TNRC6C: variants seen among roughly 807,000 people sequenced by gnomAD.
TNRC6C encodes the protein trinucleotide repeat-containing gene 6C protein.
TNRC6C carries 20 observed loss-of-function variants against 153.7 expected under a neutral mutation model. That is an observed-to-expected ratio of 0.13 (90% CI 0.09 to 0.19). The LOEUF (loss-of-function observed/expected upper bound fraction) is 0.19. TNRC6C is among the 10% of genes least tolerant of loss of function. TNRC6C has a pLI of 1.00. For missense variants in TNRC6C, 1,987 were observed against 2,172.0 expected, an observed-to-expected ratio of 0.91 and a Z score of 1.69; for synonymous variants, 811 against 841.4, an observed-to-expected ratio of 0.96 and a Z score of 0.63.
At chr17:78,053,936 A>T (rs1222392395) in intron 3 of TNRC6C, among the ~76,000 whole-genome samples, 1 of 152,184 alleles carries the variant, frequency 6.6e-6, no homozygotes, top group Non-Finnish European at 1.5e-5. Context: ...CAATGGTGAT[A>T]CATTCTAAGA....
intron 3 of TNRC6C, among the ~76,000 whole-genome samples, chr17:78,055,053 T>C (rs1449499003): frequency 6.6e-6 from 1 of 152,260 alleles, no homozygotes; most frequent in Middle Eastern, 3.2e-3. Context: ...TGCAGAGTAC[T>C]GCGCACCACT....
At chr17:78,095,278 G>A (rs1393302432) in intron 16 of TNRC6C, among the ~76,000 whole-genome samples, 1 of 152,202 alleles carries the variant, frequency 6.6e-6, no homozygotes, top group Non-Finnish European at 1.5e-5. Context: ...CGAGAAACAC[G>A]TGACAGCTGT....
intron 13 of TNRC6C, among the ~76,000 whole-genome samples, chr17:78,089,850 C>G (rs2073363196): frequency 1.3e-5 from 2 of 152,138 alleles, no homozygotes; most frequent in Non-Finnish European, 2.9e-5. Context: ...CCTCACGTAG[C>G]ACAGAAGAAA....
intron 1 of TNRC6C, among the ~76,000 whole-genome samples, chr17:77,984,084 T>A (rs2071120803): frequency 6.6e-6 from 1 of 152,176 alleles, no homozygotes; most frequent in African/African-American, 2.4e-5. Flanking sequence ...AGTTCCCAGT[T>A]TATGTAAATC....
At chr17:77,989,353 A>G (rs2071216961) in intron 1 of TNRC6C, among the ~76,000 whole-genome samples, 1 of 152,216 alleles carries the variant, frequency 6.6e-6, no homozygotes, top group African/African-American at 2.4e-5. Flanking sequence ...ACTTAAGCTT[A>G]GAACCTATTT....
intron 1 of TNRC6C, among the ~76,000 whole-genome samples, chr17:78,021,866 G>C (rs1466071184): frequency 2.0e-5 from 3 of 152,040 alleles, no homozygotes; most frequent in African/African-American, 7.2e-5. Context: ...CACCATGCCT[G>C]GTCTATTTAT....
In TNRC6C at chr17:78,104,444, T is replaced by C; in HGVS notation, c.4713-41T>C. ...GCCAGTGCCACGAACTCAGCAGGAC[T>C]TGGGGTGGCCCTGTTCACGTGCCCC... On this transcript the variant is annotated intron_variant, in intron 19 of 19. Transcript: ENST00000301624. The surrounding 1 kb of genome is among the most constrained non-coding windows in gnomAD (Gnocchi z 6.2). 6.9e-7 allele frequency: 1 copy of C among 1,446,294 alleles called. No homozygotes were observed. The highest frequency in any genetic ancestry group is 9.1e-7 in the Non-Finnish European group (1 of 1,097,078). 89.6% of individuals were successfully genotyped at this position (1,446,294 alleles called of 1,614,324 possible).
chr17:77,994,527 G>T (rs1428646043), intron 1 of TNRC6C, among the ~76,000 whole-genome samples: 3 of 152,128 alleles, frequency 2.0e-5, no homozygotes, highest in Admixed American at 1.3e-4. Flanking sequence ...CAAAACCTTT[G>T]AATAGAAAGC....
intron 1 of TNRC6C, among the ~76,000 whole-genome samples, chr17:77,985,597 G>A (rs577495753): frequency 8.6e-5 from 11 of 127,834 alleles, no homozygotes; most frequent in African/African-American, 4.3e-4. Flanking sequence ...GCGAGACTCC[G>A]TCTCAAAAAA....
intron 13 of TNRC6C, among the ~76,000 whole-genome samples, chr17:78,090,325 T>G (rs2144543309): frequency 6.6e-6 from 1 of 152,324 alleles, no homozygotes; most frequent in African/African-American, 2.4e-5. Flanking sequence ...TGAAGCCCAC[T>G]TCTTCATGTG....
At chr17:78,084,065 C>G (rs1344796026) in intron 11 of TNRC6C, among the ~76,000 whole-genome samples, 1 of 152,066 alleles carries the variant, frequency 6.6e-6, no homozygotes, top group Non-Finnish European at 1.5e-5. Context: ...GGGTGGATCA[C>G]CTGAGGTCAG....
At chr17:78,018,920 T>C (rs768851047) in intron 1 of TNRC6C, among the ~76,000 whole-genome samples, 21 of 152,046 alleles carry the variant, frequency 1.4e-4, no homozygotes, top group Non-Finnish European at 2.8e-4. Flanking sequence ...TGGCAGTCCA[T>C]GTTAGGTTAG....
At chr17:78,024,167 G>C (rs2071889944) in intron 1 of TNRC6C, among the ~76,000 whole-genome samples, 1 of 152,126 alleles carries the variant, frequency 6.6e-6, no homozygotes, top group Admixed American at 6.6e-5. Context: ...ATAATTGTTA[G>C]TATGCTAATT....
intron 10 of TNRC6C, among the ~76,000 whole-genome samples, chr17:78,080,060 T>C (rs1176664366): frequency 6.6e-6 from 1 of 152,242 alleles, no homozygotes; most frequent in Non-Finnish European, 1.5e-5. Flanking sequence ...TTCAGTTATG[T>C]TTAATATTCA....
At chr17:78,028,269 G>C (rs958333039) in intron 1 of TNRC6C, among the ~76,000 whole-genome samples, 4 of 152,170 alleles carry the variant, frequency 2.6e-5, no homozygotes, top group African/African-American at 9.7e-5. Flanking sequence ...GGGATGGGGA[G>C]AAGTGGGAAC....
intron 3 of TNRC6C, among the ~76,000 whole-genome samples, 170 bp from the exon 6 acceptor site, chr17:78,064,552 T>C (rs971256644): frequency 1.3e-5 from 2 of 152,190 alleles, no homozygotes; most frequent in African/African-American, 4.8e-5. Context: ...AATACAAAGC[T>C]AAACAAATCT....
intron 2 of TNRC6C, among the ~76,000 whole-genome samples, chr17:78,033,227 G>C (rs1169482860): frequency 6.6e-6 from 1 of 152,208 alleles, no homozygotes; most frequent in Non-Finnish European, 1.5e-5. Flanking sequence ...TGCTGGTGCA[G>C]AATGTTACTG....
intron 9 of TNRC6C, 165 bp downstream of exon 11, chr17:78,077,499 G>GGA: frequency 1.2e-6 from 1 of 855,162 alleles, no homozygotes; most frequent in South Asian, 1.8e-5. Flanking sequence ...GTGACTTACT[G>GGA]GAGTCAAGAG....
rs748305029 is a variant in TNRC6C at position 78,050,084 on chromosome 17, G to A, written c.1022G>A (p.Gly341Glu). The change falls in exon 3 of 20, where the codon GGG (glycine) becomes GAG (glutamate). Residue 341 changes from glycine (G) to glutamate (E), a missense_variant. Physicochemically the swap from Gly to Glu is moderately conservative, Grantham distance 98. Around this residue, in one of 4 missense-constraint regions of TNRC6C, gnomAD observed 1,052 missense variants for 1,017.0 expected, o/e 1.03. Coordinates refer to ENST00000301624, the Ensembl canonical transcript of TNRC6C. ...CGAAGCACCTCTAACGGTGTGAATG[G>A]GGAATGGGGAAAGCCCCCAAACCAG... is the stretch of plus-strand genomic sequence containing the variant. The A allele has an allele frequency of 1.2e-6, 2 of 1,609,834 alleles. No individual in the cohort carries two copies. Among genetic ancestry groups the A allele is most frequent in the Non-Finnish European group, 8.5e-7 (1 of 1,177,786 alleles).
Sources: gnomAD v4.1 joint callset for allele counts (sites outside exome capture counted in the v4.1 genomes callset) on GRCh38, gnomAD v4.1.1 for gene constraint, gnomAD v4.1.1 regional missense constraint, Gnocchi (gnomAD v3.1) non-coding constraint, MANE v1.5 for transcripts, NCBI Gene and HGNC (gene_info 2026-07-23, HGNC 2026-07-21) for gene names.